SCHIP1: variants seen among roughly 807,000 people sequenced by gnomAD.
SCHIP1 encodes the protein schwannomin-interacting protein 1.
In SCHIP1, 8 loss-of-function variants were observed where a neutral mutation model predicts 29.7. That is an observed-to-expected ratio of 0.27 (90% CI 0.16 to 0.49). The LOEUF is 0.49. SCHIP1 is among the 20% of genes least tolerant of loss of function. The probability of loss-of-function intolerance (pLI) is 0.99; values close to 1 mark genes in which losing one functional copy is unlikely to be tolerated. For synonymous variants in SCHIP1, 76 were observed against 94.9 expected (o/e 0.80, Z 1.16); for missense variants, 193 against 294.6 (o/e 0.66, Z 2.52).
the SCHIP1 span, among the ~76,000 whole-genome samples, chr3:159,830,952 G>A: frequency 6.6e-6 from 1 of 152,174 alleles, no homozygotes; most frequent in East Asian, 1.9e-4. Context: ...TGCCACAACA[G>A]CCTTTCCTGT....
chr3:159,837,699 G>A (rs995551029), upstream of SCHIP1, among the ~76,000 whole-genome samples: 1 of 151,536 alleles, frequency 6.6e-6, no homozygotes, highest in Non-Finnish European at 1.5e-5. Context: ...CTGGGTGACA[G>A]AGTGAGACTC....
the SCHIP1 span, among the ~76,000 whole-genome samples, chr3:159,667,986 C>T: frequency 6.6e-6 from 1 of 152,116 alleles, no homozygotes; most frequent in East Asian, 1.9e-4. Context: ...CTTTGGGGGA[C>T]CCTAGGTCCA....
the SCHIP1 span, among the ~76,000 whole-genome samples, chr3:159,367,341 G>A: frequency 1.3e-4 from 20 of 151,040 alleles, no homozygotes; most frequent in Non-Finnish European, 2.8e-4. Flanking sequence ...GCCGTGAGCC[G>A]AGATCATGCC....
the SCHIP1 span, among the ~76,000 whole-genome samples, chr3:159,296,142 T>A: frequency 3.1e-4 from 14 of 45,640 alleles, no homozygotes; most frequent in Non-Finnish European, 6.2e-4. Flanking sequence ...CTTGCTGCTC[T>A]TTTTTTTTTT....
At chr3:159,418,884 G>A in the SCHIP1 span, among the ~76,000 whole-genome samples, 4 of 152,198 alleles carry the variant, frequency 2.6e-5, no homozygotes, top group African/African-American at 7.2e-5. Context: ...TGAAAAGAAC[G>A]AAGGCTTTGG....
rs371868058 is a variant in SCHIP1 at position 159,896,642 on chromosome 3, G to C, written c.684-81G>C. On this transcript the variant is annotated intron_variant, in intron 6 of 6. Transcript: ENST00000445224. The stretch of plus-strand genomic sequence containing the variant: ...TGTCAGTAACTCTGAACTTCAGTTT[G>C]CAGGATGCTGTAGCTATTGATTGAA... 24 of 1,367,432 alleles carry C rather than the reference G, an allele frequency of 1.8e-5. No homozygotes were observed. The East Asian group carries it at 3.3e-4, about 19-fold the overall frequency. The allele number at this position is 1,367,432 out of a possible 1,614,324, so 84.7% of individuals were successfully genotyped here.
the SCHIP1 span, among the ~76,000 whole-genome samples, chr3:159,586,193 AGGTGGTTTT>A: frequency 6.6e-6 from 1 of 152,218 alleles, no homozygotes; most frequent in African/African-American, 2.4e-5. Flanking sequence ...ATTCGTCCCT[AGGTGGTTTT>A]GGCCACAGGG....
At chr3:159,746,542 A>G in the SCHIP1 span, among the ~76,000 whole-genome samples, 1 of 129,486 alleles carries the variant, frequency 7.7e-6, no homozygotes, top group Non-Finnish European at 1.8e-5. Flanking sequence ...ATGTTTTGAT[A>G]TAAAATTTAG....
chr3:159,878,838 T>C (rs2109362789), intron 2 of SCHIP1, among the ~76,000 whole-genome samples: 1 of 148,884 alleles, frequency 6.7e-6, no homozygotes, highest in South Asian at 2.1e-4. Flanking sequence ...TAAATAAAAA[T>C]AAATAAATTC....
chr3:159,325,790 A>T, the SCHIP1 span, among the ~76,000 whole-genome samples: 1 of 152,050 alleles, frequency 6.6e-6, no homozygotes, highest in Admixed American at 6.6e-5. Context: ...ATACTGATGT[A>T]TTTACTATTT....
the SCHIP1 span, among the ~76,000 whole-genome samples, chr3:159,788,431 G>C: frequency 6.6e-6 from 1 of 151,898 alleles, no homozygotes; most frequent in African/African-American, 2.4e-5. Context: ...AGTGTAGAGC[G>C]TTCTTTCACT....
At chr3:159,280,614 A>G in the SCHIP1 span, among the ~76,000 whole-genome samples, 1 of 152,230 alleles carries the variant, frequency 6.6e-6, no homozygotes, top group African/African-American at 2.4e-5. Flanking sequence ...GCATTATCAC[A>G]TTATTATTTT....
intron 2 of SCHIP1, among the ~76,000 whole-genome samples, chr3:159,879,799 T>C (rs1187850516): frequency 6.6e-6 from 1 of 152,144 alleles, no homozygotes; most frequent in African/African-American, 2.4e-5. Flanking sequence ...AATGCAAGTA[T>C]TTATAGCTCT....
the SCHIP1 span, among the ~76,000 whole-genome samples, chr3:159,343,950 T>C: frequency 1.3e-5 from 2 of 152,228 alleles, no homozygotes; most frequent in South Asian, 4.1e-4. Flanking sequence ...AATGGGTTTC[T>C]ATTATTTGGA....
At chr3:159,870,830 T>G (rs1457108932) in intron 2 of SCHIP1, among the ~76,000 whole-genome samples, 1 of 152,112 alleles carries the variant, frequency 6.6e-6, no homozygotes, top group Non-Finnish European at 1.5e-5. Context: ...TTGGGAAGTA[T>G]TCTCTTTCAT....
the SCHIP1 span, among the ~76,000 whole-genome samples, chr3:159,787,622 CT>C: frequency 6.6e-6 from 1 of 152,208 alleles, no homozygotes; most frequent in African/African-American, 2.4e-5. Context: ...CATTCGCCTA[CT>C]TAAACCTCAA....
At chr3:159,718,515 A>G in the SCHIP1 span, among the ~76,000 whole-genome samples, 1 of 152,224 alleles carries the variant, frequency 6.6e-6, no homozygotes, top group Non-Finnish European at 1.5e-5. Context: ...CCTTAAGCTG[A>G]TAAGCAACTT....
At chr3:159,291,713 A>T in the SCHIP1 span, among the ~76,000 whole-genome samples, 2 of 152,150 alleles carry the variant, frequency 1.3e-5, no homozygotes, top group African/African-American at 4.8e-5. Context: ...CCCTGTAAAA[A>T]TAATAAAATC....
intron 1 of SCHIP1, among the ~76,000 whole-genome samples, chr3:159,857,495 G>C (rs1713528970): frequency 6.6e-6 from 1 of 152,006 alleles, no homozygotes; most frequent in South Asian, 2.1e-4. Context: ...ACACTTTGAT[G>C]GTTTTTAGTA....
Sources: allele counts gnomAD v4.1 joint callset (sites outside exome capture counted in the v4.1 genomes callset), GRCh38; gene constraint gnomAD v4.1.1; transcripts MANE v1.5; gene names NCBI Gene and HGNC (gene_info 2026-07-23, HGNC 2026-07-21).